Variants in SYNE1 observed in about 807,000 individuals in gnomAD.
SYNE1 encodes nesprin-1.
SYNE1 carries 616 observed loss-of-function variants against 1,111.0 expected under a neutral mutation model. That is an observed-to-expected ratio of 0.55 (90% confidence interval 0.52 to 0.59). SYNE1 has a LOEUF of 0.59. Ranked by LOEUF, SYNE1 falls within the 20% of genes least tolerant of loss-of-function variation. SYNE1 has a pLI of 0.00. For synonymous variants in SYNE1, 3,855 were observed against 3,825.8 expected (o/e 1.01, Z -0.28); for missense variants, 10,006 against 10,417.0 (o/e 0.96, Z 1.72).
At chr6:152,631,538 A>G (rs1309905471) in intron 2 of SYNE1, among the ~76,000 whole-genome samples, 7 of 152,222 alleles carry the variant, frequency 4.6e-5, no homozygotes, top group Admixed American at 2.6e-4. Context: ...CTATGATTTT[A>G]AAGGATGTAT....
Position 152,318,127 on chromosome 6 carries a change from T to G in SYNE1, c.16526A>C (p.Gln5509Pro). Reference sequence around the variant, plus strand: ...ATTCTCAGCTTGTCTAATGGTCTGCTGGTGAAGTTCAGTCAGTTTTCCTAT... The same window carrying G: ...ATTCTCAGCTTGTCTAATGGTCTGCGGGTGAAGTTCAGTCAGTTTTCCTAT... ...KKIGKLTELH[Q>P]QTIRQAENRL... Residue 5509 changes from glutamine to proline, a missense_variant, in exon 86 of 146, where the codon CAG becomes CCG. Gln to Pro is a moderately conservative substitution (Grantham distance 76). Around this residue, in one of 7 missense-constraint regions of SYNE1, gnomAD observed 4,955 missense variants for 5,017.2 expected, o/e 0.99. Transcript: ENST00000367255. 2 of 1,614,252 alleles carry G rather than the reference T, an allele frequency of 1.2e-6. No homozygotes were observed. The highest frequency in any genetic ancestry group is 1.7e-6 in the Non-Finnish European group (2 of 1,180,052).
chr6:152,167,002 G>T (rs1179404600), intron 130 of SYNE1, among the ~76,000 whole-genome samples: 1 of 152,148 alleles, frequency 6.6e-6, no homozygotes, highest in Non-Finnish European at 1.5e-5. Context: ...CTATCATCGT[G>T]AGAAGTCTGA....
At chr6:152,465,048 C>A in intron 18 of SYNE1, 1 of 601,494 alleles carries the variant, frequency 1.7e-6, no homozygotes, top group East Asian at 2.9e-5. Flanking sequence ...CCCTTTGCTG[C>A]CCATTGGATT....
At chr6:152,470,017 G>C (rs959564818) in intron 16 of SYNE1, among the ~76,000 whole-genome samples, 3 of 152,152 alleles carry the variant, frequency 2.0e-5, no homozygotes, top group African/African-American at 7.2e-5. Flanking sequence ...TGATAAGTAG[G>C]TATTCTTCAG....
chr6:152,549,317 A>G (rs149806526), intron 3 of SYNE1, among the ~76,000 whole-genome samples: 161 of 152,368 alleles, frequency 1.1e-3, no homozygotes, highest in African/African-American at 3.7e-3. Flanking sequence ...AACCATCCAT[A>G]TTTAACTGAA....
intron 109 of SYNE1, 76 bp from the exon 110 acceptor site, chr6:152,236,379 C>A: frequency 9.4e-7 from 1 of 1,059,414 alleles, no homozygotes. Context: ...TTCTCTGGTA[C>A]CTACAATGTT....
In SYNE1 at chr6:152,192,632, C is replaced by T. The variant is rs142518398; in HGVS notation, c.23146-3225G>A. 3.4e-3 allele frequency among the ~76,000 whole-genome samples: 517 copies of T among 151,948 alleles called. 3 individuals carry two copies. The highest frequency in any genetic ancestry group is 0.012 in the African/African-American group (492 of 41,440). ...GACTACAGGAGCACATCACCATGTC[C>T]GACTAATTTTTTTGTATTTTTAGTA... On this transcript the variant is annotated intron_variant, in intron 127 of 145. Coordinates refer to ENST00000367255, the MANE Select transcript of SYNE1 (RefSeq NM_182961.4).
intron 91 of SYNE1, chr6:152,302,282 G>A: frequency 1.6e-6 from 1 of 627,450 alleles, no homozygotes; most frequent in South Asian, 1.9e-5. Flanking sequence ...CCGAGCCCGC[G>A]TCCCCGCGTC....
chr6:152,459,193 T>C (rs1339060105), intron 21 of SYNE1, among the ~76,000 whole-genome samples: 1 of 152,222 alleles, frequency 6.6e-6, no homozygotes, highest in Non-Finnish European at 1.5e-5. Flanking sequence ...TGGATAGCAC[T>C]TTCTCATCTA....
Position 152,325,243 on chromosome 6 carries a change from A to G in SYNE1, c.15498T>C (p.Ala5166=). ...CATTTCCGGTTTTCTCCAGTTGTGA[A>G]GCTTTTTCCTCAAGGGCCACAATTT... ...HEKIVALEEK[A]SQLEKTGNDA... Residue 5166 remains alanine, a synonymous_variant, in exon 81 of 146, where the codon GCT becomes GCC. Transcript: ENST00000367255. The G allele has an allele frequency of 6.2e-7, 1 of 1,614,158 alleles. No individual in the cohort carries two copies. The highest frequency in any genetic ancestry group is 8.5e-7 in the Non-Finnish European group (1 of 1,180,026).
chr6:152,438,432 A>G (rs2098496596), intron 32 of SYNE1, among the ~76,000 whole-genome samples: 1 of 152,234 alleles, frequency 6.6e-6, no homozygotes, highest in Non-Finnish European at 1.5e-5. Flanking sequence ...GAAAGAGCAG[A>G]ATGATGGTGA....
chr6:152,247,845 G>C (rs1038983890), intron 105 of SYNE1, among the ~76,000 whole-genome samples: 3 of 99,256 alleles, frequency 3.0e-5, no homozygotes, highest in Non-Finnish European at 5.7e-5. Flanking sequence ...TATTTTGAGA[G>C]GTGTTCTTTA....
At position 152,409,194 on chromosome 6, in the gene SYNE1, T is replaced by C. The variant is rs545241584; in HGVS notation, c.6414A>G (p.Lys2138=). ...HETAKNKMNY[K]QKDLDNFTSK... ...TGGTAAAGTTATCCAAGTCTTTCTG[T>C]TTGTAATTCATTTTGTTCTTGGCAG... The change falls in exon 44 of 146, where the codon AAA becomes AAG. Residue 2138 remains lysine (K), a synonymous_variant. Coordinates refer to ENST00000367255, the MANE Select transcript of SYNE1 (RefSeq NM_182961.4). 1.9e-6 allele frequency: 3 copies of C among 1,614,156 alleles called. No homozygotes were observed. In the Admixed American group the frequency reaches 5.0e-5, roughly 27 times the overall value.
chr6:152,370,137 C>T (rs1025526309), intron 59 of SYNE1, among the ~76,000 whole-genome samples: 15 of 151,828 alleles, frequency 9.9e-5, no homozygotes, highest in Non-Finnish European at 1.8e-4. Flanking sequence ...AGAATTTTTC[C>T]CCCCTAACTC....
chr6:152,486,987 T>C (rs2098944525), intron 12 of SYNE1, among the ~76,000 whole-genome samples: 1 of 152,208 alleles, frequency 6.6e-6, no homozygotes, highest in African/African-American at 2.4e-5. Context: ...GGGACTGATG[T>C]TTTACATTGG....
Position 152,472,366 on chromosome 6 carries a change from G to A in SYNE1, c.1398C>T (p.Ile466=). ...TCCCGTTAACAGACCTGGTCCGGTA[G>A]ATTTCATGGAATGCTCTTTTGTGGG... The part of the protein sequence containing the change: ...TDAHKRAFHE[I]YRTRSVNGIP... The change falls in exon 15 of 146, where the codon ATC becomes ATT. Residue 466 remains isoleucine, a synonymous_variant. Transcript: ENST00000367255. 4 of 1,614,016 alleles carry A rather than the reference G, an allele frequency of 2.5e-6. No individual in the cohort carries two copies. The highest frequency in any genetic ancestry group is 3.4e-6 in the Non-Finnish European group (4 of 1,179,970).
intron 40 of SYNE1, among the ~76,000 whole-genome samples, chr6:152,419,023 A>G (rs1346579368): frequency 6.6e-6 from 1 of 152,116 alleles, no homozygotes; most frequent in Non-Finnish European, 1.5e-5. Context: ...CTCCCATACA[A>G]TATGCACATA....
At chr6:152,547,144 C>T (rs1159109897) in intron 3 of SYNE1, among the ~76,000 whole-genome samples, 2 of 152,214 alleles carry the variant, frequency 1.3e-5, no homozygotes, top group Non-Finnish European at 2.9e-5. Flanking sequence ...ACCCAACTCA[C>T]TCACAGAAAC....
chr6:152,201,990 T>G (rs200354023), intron 126 of SYNE1, 41 bp from the exon 127 acceptor site: 122 of 1,609,754 alleles, frequency 7.6e-5, no homozygotes, highest in Non-Finnish European at 1.0e-4. Context: ...ATGTTTTTGA[T>G]GTAGGAAACT....
Sources: gnomAD v4.1 joint callset for allele counts (sites outside exome capture counted in the v4.1 genomes callset) on GRCh38, gnomAD v4.1.1 for gene constraint, gnomAD v4.1.1 regional missense constraint, MANE v1.5 for transcripts, NCBI Gene and HGNC (gene_info 2026-07-23, HGNC 2026-07-21) for gene names.